GAGE12J: variants seen among roughly 807,000 people sequenced by gnomAD.
GAGE12J encodes G antigen 12J.
In GAGE12J, 5 loss-of-function variants were observed where a neutral mutation model predicts 8.5. That is an observed-to-expected ratio of 0.59 (90% CI 0.31 to 1.24). The LOEUF is 1.24. GAGE12J is among the 50% of genes most tolerant of loss of function. The pLI, the probability that GAGE12J is intolerant of heterozygous loss-of-function variation, is 0.06. For missense variants in GAGE12J, 26 were observed against 63.0 expected (o/e 0.41, Z 1.99); for synonymous variants, 10 against 19.2 (o/e 0.52, Z 1.25).
chrX:49,325,542 A>G (rs2066441474), intron 3 of GAGE12J, among the ~76,000 whole-genome samples: 2 of 82,044 alleles, frequency 2.4e-5, no homozygotes, highest in South Asian at 1.3e-3. Flanking sequence ...CTTTCGCTTC[A>G]TCAGTTTCAC....
rs782589814 is a variant in GAGE12J at position 49,322,481 on chromosome X, G to C, written c.-9+337G>C. ...GAATGGGGCCTCCGGCGGGGGCGAG[G>C]CGGGCGGTGAAGAAGGGGCCTGGCA... On this transcript the variant is annotated intron_variant, in intron 1 of 4. Transcript: ENST00000442437. 1.5e-4 allele frequency among the ~76,000 whole-genome samples: 16 copies of C among 106,219 alleles called. No individual in the cohort carries two copies. In the South Asian group the frequency reaches 6.5e-3, roughly 43 times the overall value. The allele number at this position is 106,219 out of a possible 115,157, so 92.2% of individuals were successfully genotyped here. A position where few individuals can be genotyped will look rare whatever the true frequency, so the allele number is the denominator to read the frequency against.
At chrX:49,328,049 C>T (rs2066450646) in intron 4 of GAGE12J, among the ~76,000 whole-genome samples, 1 of 63,305 alleles carries the variant, frequency 1.6e-5, no homozygotes, top group African/African-American at 3.7e-5. Context: ...GTTGCCCAGG[C>T]AGGGTTTCTC....
At chrX:49,322,557 G>C (rs1464911702) in intron 1 of GAGE12J, among the ~76,000 whole-genome samples, 6 of 94,914 alleles carry the variant, frequency 6.3e-5, no homozygotes, top group Non-Finnish European at 1.2e-4. Context: ...TGTGGAGTGC[G>C]GAGCGCCTGA....
chrX:49,322,186 T>G, intron 1 of GAGE12J, 42 bp downstream of exon 1: 1 of 391,411 alleles, frequency 2.6e-6, no homozygotes, highest in Non-Finnish European at 3.2e-6. Context: ...GAAGTGTGAG[T>G]GAGGGTGGAG....
At chrX:49,322,562 G>A (rs1207658196) in intron 1 of GAGE12J, among the ~76,000 whole-genome samples, 11 of 94,260 alleles carry the variant, frequency 1.2e-4, no homozygotes, top group Admixed American at 1.0e-3. Flanking sequence ...AGTGCGGAGC[G>A]CCTGAGTGAG....
intron 2 of GAGE12J, 48 bp downstream of exon 2, chrX:49,323,325 T>G (rs781975938): frequency 1.9e-6 from 2 of 1,065,193 alleles, no homozygotes; most frequent in East Asian, 3.1e-5. Flanking sequence ...TAGAAATTAA[T>G]TTTTGTGATA....
rs4239983 is a variant in GAGE12J at position 49,322,468 on chromosome X, C to T, written c.-9+324C>T. Among the ~76,000 whole-genome samples, 14 of 106,871 alleles carry T rather than the reference C, an allele frequency of 1.3e-4. 1 individual carries two copies. The highest frequency in any genetic ancestry group is 1.8e-4 in the Non-Finnish European group (9 of 50,241). 92.8% of individuals were successfully genotyped at this position (106,871 alleles called of 115,157 possible). A position where few individuals can be genotyped will look rare whatever the true frequency, so the allele number is the denominator to read the frequency against. On this transcript the variant is annotated intron_variant, in intron 1 of 4. Transcript: ENST00000442437. ...GGGCAGATTCCCTGAATGGGGCCTCCGGCGGGGGCGAGGCGGGCGGTGAAG... is the reference window on the plus strand; with the variant it reads ...GGGCAGATTCCCTGAATGGGGCCTCTGGCGGGGGCGAGGCGGGCGGTGAAG...
Position 49,323,222 on chromosome X carries a change from A to T in GAGE12J, c.29A>T (p.Tyr10Phe). 2 of 1,140,435 alleles carry T rather than the reference A, an allele frequency of 1.8e-6. No homozygotes were observed. Among genetic ancestry groups the T allele is most frequent in the South Asian group, 1.8e-5 (1 of 55,711 alleles). 94.0% of individuals were successfully genotyped at this position (1,140,435 alleles called of 1,213,427 possible). A position where few individuals can be genotyped will look rare whatever the true frequency, so the allele number is the denominator to read the frequency against. The change falls in exon 2 of 5, where the codon TAT becomes TTT. Residue 10 changes from tyrosine (Y) to phenylalanine (F), a missense_variant. By Grantham distance (22) the Tyr-to-Phe change is conservative (BLOSUM62 3). This residue lies in a region of GAGE12J where 26 missense variants were observed against 21.9 expected (regional missense o/e 1.19). Coordinates refer to ENST00000442437, the MANE Select transcript of GAGE12J (RefSeq NM_001098406.4). ...AGTTGGCGAGGAAGATCGACCTATTATTGGCCTAGACCAAGACCCTATGTA... is the reference window on the plus strand; with the variant it reads ...AGTTGGCGAGGAAGATCGACCTATTTTTGGCCTAGACCAAGACCCTATGTA... MSWRGRSTY[Y>F]WPRPRPYVQP...
In GAGE12J at chrX:49,323,241, C is replaced by G. The variant is rs1557126380; in HGVS notation, c.48C>G (p.Pro16=). 1 of 1,147,844 alleles carries G rather than the reference C, an allele frequency of 8.7e-7. No individual in the cohort carries two copies. The highest frequency in any genetic ancestry group is 1.8e-5 in the South Asian group (1 of 55,900). The allele number at this position is 1,147,844 out of a possible 1,213,427, so 94.6% of individuals were successfully genotyped here. Residue 16 remains proline, a synonymous_variant, in exon 2 of 5, where the codon CCC becomes CCG. Transcript: ENST00000442437. The part of the protein sequence containing the change: ...RSTYYWPRPR[P]YVQPPEMIGP... ...CCTATTATTGGCCTAGACCAAGACC[C>G]TATGTACAGCCTCCTGAAATGATTG... is the stretch of plus-strand genomic sequence containing the variant.
intron 3 of GAGE12J, among the ~76,000 whole-genome samples, chrX:49,324,796 T>C (rs2066438262): frequency 1.8e-5 from 1 of 55,799 alleles, no homozygotes; most frequent in Non-Finnish European, 4.5e-5. Flanking sequence ...AATATAACTT[T>C]ATTTGAACAA....
chrX:49,322,644 G>C (rs1340416040), intron 1 of GAGE12J, among the ~76,000 whole-genome samples: 1 of 91,777 alleles, frequency 1.1e-5, no homozygotes, highest in African/African-American at 3.6e-5. Context: ...AGGCAGTGCG[G>C]TCCAACCAAA....
intron 1 of GAGE12J, among the ~76,000 whole-genome samples, chrX:49,322,444 G>A (rs1225888043): frequency 9.2e-6 from 1 of 108,695 alleles, no homozygotes; most frequent in East Asian, 2.9e-4. Flanking sequence ...GACGACACAG[G>A]GCAGATTCCC....
intron 3 of GAGE12J, among the ~76,000 whole-genome samples, chrX:49,325,591 T>TCACA (rs1176588303): frequency 3.8e-5 from 3 of 78,063 alleles, no homozygotes; most frequent in African/African-American, 6.9e-5. Flanking sequence ...GCCCACACAC[T>TCACA]CACACACACA....
intron 1 of GAGE12J, among the ~76,000 whole-genome samples, chrX:49,322,980 TG>T (rs2066426928): frequency 1.9e-5 from 2 of 107,359 alleles, no homozygotes; most frequent in African/African-American, 6.7e-5. Flanking sequence ...TTTTGCCACA[TG>T]CCTTAAGATG....
chrX:49,324,742 C>T (rs1460903768), intron 3 of GAGE12J, among the ~76,000 whole-genome samples: 4 of 59,890 alleles, frequency 6.7e-5, no homozygotes, highest in East Asian at 5.4e-4. Context: ...TTGTTCTTCA[C>T]GGGGTTCATT....
chrX:49,324,465 G>A (rs1220633896), intron 3 of GAGE12J, among the ~76,000 whole-genome samples: 3 of 7,357 alleles, frequency 4.1e-4, no homozygotes, highest in African/African-American at 5.6e-4. Context: ...GCTTTTAGGA[G>A]GTGATTAAAT....
At chrX:49,322,429 C>A (rs782606735) in intron 1 of GAGE12J, among the ~76,000 whole-genome samples, 3 of 108,893 alleles carry the variant, frequency 2.8e-5, no homozygotes, top group Non-Finnish European at 5.9e-5. Flanking sequence ...GTGCCGGGAA[C>A]CCCCGACGAC....
At chrX:49,328,214 A>T (rs2066451798) in intron 4 of GAGE12J, among the ~76,000 whole-genome samples, 1 of 70,873 alleles carries the variant, frequency 1.4e-5, no homozygotes, top group African/African-American at 3.6e-5. Flanking sequence ...CCACTATCTC[A>T]TCATCTAGCA....
In GAGE12J at chrX:49,322,542, A is replaced by G. The variant is rs373979739; in HGVS notation, c.-9+398A>G. 3.7e-4 allele frequency among the ~76,000 whole-genome samples: 36 copies of G among 97,462 alleles called. 1 individual carries two copies. The East Asian group carries it at 5.0e-3, about 14-fold the overall frequency. 84.6% of individuals were successfully genotyped at this position (97,462 alleles called of 115,157 possible). On this transcript the variant is annotated intron_variant, in intron 1 of 4. Transcript: ENST00000442437. ...CTGCGGCCTGGTGAGCGCCCCCCCC[A>G]GCGGTGTGGAGTGCGGAGCGCCTGA...
Sources: gnomAD v4.1 joint callset for allele counts (sites outside exome capture counted in the v4.1 genomes callset) on GRCh38, gnomAD v4.1.1 for gene constraint, gnomAD v4.1.1 regional missense constraint, MANE v1.5 for transcripts, NCBI Gene and HGNC (gene_info 2026-07-23, HGNC 2026-07-21) for gene names.